Variants in ZNF280C observed in about 807,000 individuals in gnomAD.
The protein encoded by ZNF280C is suppressor of hairy wing homolog 3.
In ZNF280C, 14 loss-of-function variants were observed where a neutral mutation model predicts 53.6. The ratio of observed to expected loss-of-function variants is 0.26; its 90% CI spans 0.17 to 0.41. ZNF280C has a LOEUF of 0.41. Ranked by LOEUF, ZNF280C falls within the 10% of genes least tolerant of loss-of-function variation. The pLI is 1.00. For synonymous variants in ZNF280C, 203 were observed against 181.1 expected (o/e 1.12, Z -0.97); for missense variants, 416 against 547.1 (o/e 0.76, Z 2.39).
Position 130,240,385 on chromosome X carries a change from C to A in ZNF280C, c.382-692G>T, listed in dbSNP as rs146728019. Reference sequence around the variant, plus strand: ...TATTCTTCCCTGTCTCTTTTCTAACCTATCCCTCCTTACACAATACTTTTA... The same window carrying A: ...TATTCTTCCCTGTCTCTTTTCTAACATATCCCTCCTTACACAATACTTTTA... On this transcript the variant is annotated intron_variant, in intron 5 of 18. Transcript: ENST00000370978. Among the ~76,000 whole-genome samples the A allele has an allele frequency of 8.6e-3, 961 of 111,389 alleles. 12 individuals are homozygous for A. The highest frequency in any genetic ancestry group is 0.029 in the African/African-American group (904 of 30,760).
chrX:130,253,482 A>C (rs766082812), intron 2 of ZNF280C, among the ~76,000 whole-genome samples: 2 of 112,331 alleles, frequency 1.8e-5, no homozygotes, highest in Non-Finnish European at 3.8e-5. Flanking sequence ...AAGAACAAAG[A>C]TGAAGGCATC....
chrX:130,249,157 C>A (rs760466822), intron 2 of ZNF280C, among the ~76,000 whole-genome samples: 1 of 111,683 alleles, frequency 9.0e-6, no homozygotes, highest in African/African-American at 3.3e-5. Flanking sequence ...GCATACAGTC[C>A]TGCAACGGCC....
chrX:130,238,685 G>A (rs1309137943), intron 6 of ZNF280C, among the ~76,000 whole-genome samples: 5 of 110,932 alleles, frequency 4.5e-5, no homozygotes, highest in African/African-American at 9.8e-5. Context: ...TGTTTGTTTC[G>A]GTTCTTGGCT....
Position 130,242,367 on chromosome X carries a change from A to G in ZNF280C, c.381+1196T>C, listed in dbSNP as rs767995010. ...CCAGTAAATGTTAAGTATTATCATTATCTATTACTTTTATTAAAAGTTTTT... is the reference window on the plus strand; with the variant it reads ...CCAGTAAATGTTAAGTATTATCATTGTCTATTACTTTTATTAAAAGTTTTT... On this transcript the variant is annotated intron_variant, in intron 5 of 18. Coordinates refer to ENST00000370978, the MANE Select transcript of ZNF280C (RefSeq NM_017666.5). Among the ~76,000 whole-genome samples, 331 of 112,296 alleles carry G rather than the reference A, an allele frequency of 2.9e-3. 1 individual carries two copies. The highest frequency in any genetic ancestry group is 9.9e-3 in the African/African-American group (305 of 30,719).
intron 16 of ZNF280C, among the ~76,000 whole-genome samples, 196 bp downstream of exon 16, chrX:130,209,457 C>T (rs775044203): frequency 6.3e-5 from 7 of 111,747 alleles, no homozygotes; most frequent in Non-Finnish European, 9.4e-5. Flanking sequence ...ATTTTACAAA[C>T]GCAAATACAT....
chrX:130,223,740 A>G (rs1416465344), intron 12 of ZNF280C, among the ~76,000 whole-genome samples: 1 of 112,233 alleles, frequency 8.9e-6, no homozygotes, highest in Non-Finnish European at 1.9e-5. Flanking sequence ...CTGCATTGCT[A>G]ACTCCAAAAT....
intron 2 of ZNF280C, among the ~76,000 whole-genome samples, chrX:130,251,715 C>T (rs1298090035): frequency 9.2e-6 from 1 of 109,201 alleles, no homozygotes; most frequent in Non-Finnish European, 1.9e-5. Context: ...CTCTGGAACC[C>T]GGAAGGGGAA....
Position 130,243,512 on chromosome X carries a change from A to G in ZNF280C, c.381+51T>C, listed in dbSNP as rs770082841. ...CAGATCACAATTTTAACTCAGTATT[A>G]TAATAGCCAATGTGTCCCTGAATTA... is the stretch of plus-strand genomic sequence containing the variant. On this transcript the variant is annotated intron_variant, in intron 5 of 18. Transcript: ENST00000370978. The G allele has an allele frequency of 6.1e-6, 7 of 1,155,512 alleles. No individual in the cohort carries two copies. The South Asian group carries it at 7.8e-5, about 13-fold the overall frequency.
At chrX:130,229,194 C>T in intron 9 of ZNF280C, 60 bp from the exon 10 acceptor site, 1 of 1,035,804 alleles carries the variant, frequency 9.7e-7, no homozygotes, top group Middle Eastern at 3.0e-4. Flanking sequence ...AAAAACCTCA[C>T]AAATAAGTCT....
chrX:130,247,094 G>T, intron 2 of ZNF280C, 89 bp from the exon 3 acceptor site: 1 of 875,622 alleles, frequency 1.1e-6, no homozygotes, highest in Non-Finnish European at 1.6e-6. Flanking sequence ...AAGATGCACT[G>T]TAATAATCCT....
chrX:130,264,059 G>A (rs911069302), intron 1 of ZNF280C, among the ~76,000 whole-genome samples: 4 of 105,307 alleles, frequency 3.8e-5, no homozygotes, highest in African/African-American at 1.4e-4. Flanking sequence ...AAGAAAGAAA[G>A]AAAGAAAGAA....
intron 6 of ZNF280C, among the ~76,000 whole-genome samples, chrX:130,237,099 G>A (rs1019085900): frequency 4.5e-5 from 5 of 111,682 alleles, no homozygotes; most frequent in Admixed American, 1.9e-4. Context: ...TATTCCAAAC[G>A]TTTAGAGAAA....
chrX:130,207,990 G>A (rs1276925355), intron 16 of ZNF280C, among the ~76,000 whole-genome samples: 8 of 111,454 alleles, frequency 7.2e-5, no homozygotes, highest in Non-Finnish European at 9.4e-5. Flanking sequence ...TCTTCATCAC[G>A]GTCATCTGTA....
chrX:130,220,982 G>T (rs1372087536), intron 12 of ZNF280C, among the ~76,000 whole-genome samples: 10 of 110,643 alleles, frequency 9.0e-5, no homozygotes, highest in Non-Finnish European at 1.3e-4. Flanking sequence ...AAATACAAAA[G>T]AAAGCTTTCT....
At chrX:130,233,089 A>G (rs1043561924) in intron 8 of ZNF280C, among the ~76,000 whole-genome samples, 3 of 112,021 alleles carry the variant, frequency 2.7e-5, no homozygotes, top group Non-Finnish European at 5.6e-5. Context: ...GCTAAAGAAA[A>G]TAAGACAGTC....
chrX:130,239,191 A>T (rs1230148866), intron 6 of ZNF280C, among the ~76,000 whole-genome samples: 1 of 111,830 alleles, frequency 8.9e-6, no homozygotes, highest in Admixed American at 9.5e-5. Context: ...TAGCATATTG[A>T]GAAATCAACT....
chrX:130,234,472 ACT>A (rs1210625417), intron 8 of ZNF280C, among the ~76,000 whole-genome samples: 1 of 111,681 alleles, frequency 9.0e-6, no homozygotes, highest in African/African-American at 3.3e-5. Context: ...ACAGCCAAAG[ACT>A]CTAATACAGT....
intron 2 of ZNF280C, 29 bp downstream of exon 2, chrX:130,260,390 T>C: frequency 2.6e-6 from 3 of 1,175,758 alleles, no homozygotes; most frequent in Non-Finnish European, 3.4e-6. Flanking sequence ...ACCATGCCTA[T>C]TAGTATCAAC....
intron 15 of ZNF280C, among the ~76,000 whole-genome samples, chrX:130,213,158 C>T (rs2032058974): frequency 9.1e-6 from 1 of 109,307 alleles, no homozygotes; most frequent in African/African-American, 3.3e-5. Flanking sequence ...TCGAGACCAT[C>T]CTGGCTAACA....
Sources: allele counts gnomAD v4.1 joint callset (sites outside exome capture counted in the v4.1 genomes callset), GRCh38; gene constraint gnomAD v4.1.1; transcripts MANE v1.5; gene names NCBI Gene and HGNC (gene_info 2026-07-23, HGNC 2026-07-21).